Variants in FILIP1 observed in about 807,000 individuals in gnomAD.
FILIP1 encodes filamin-A-interacting protein 1.
In FILIP1, 61 loss-of-function variants were observed where a neutral mutation model predicts 102.1. That is an observed-to-expected ratio of 0.60 (90% CI 0.49 to 0.74). The LOEUF (loss-of-function observed/expected upper bound fraction) is 0.74. FILIP1 is among the 30% of genes least tolerant of loss of function. The probability of loss-of-function intolerance (pLI) is 0.00; values close to 1 mark genes in which losing one functional copy is unlikely to be tolerated. For missense variants in FILIP1, 1,314 were observed against 1,441.2 expected, an observed-to-expected ratio of 0.91 and a Z score of 1.43; for synonymous variants, 491 against 526.9, an observed-to-expected ratio of 0.93 and a Z score of 0.93.
At chr6:75,424,013 C>T (rs1012543517) in intron 1 of FILIP1, among the ~76,000 whole-genome samples, 10 of 152,064 alleles carry the variant, frequency 6.6e-5, no homozygotes, top group African/African-American at 2.4e-4. Context: ...TACCTTTGCA[C>T]CAATCATTTC....
At chr6:75,388,716 A>G (rs1259471631) in intron 2 of FILIP1, among the ~76,000 whole-genome samples, 1 of 152,148 alleles carries the variant, frequency 6.6e-6, no homozygotes, top group Non-Finnish European at 1.5e-5. Context: ...TGATTTTTGC[A>G]TATTGATTTT....
intron 5 of FILIP1, among the ~76,000 whole-genome samples, chr6:75,310,038 T>C (rs987079249): frequency 2.6e-5 from 4 of 152,262 alleles, no homozygotes; most frequent in African/African-American, 9.6e-5. Context: ...GAGACATGTA[T>C]GTGCCTCCCT....
chr6:75,422,838 CT>C (rs35826641), intron 1 of FILIP1, among the ~76,000 whole-genome samples: 3 of 151,920 alleles, frequency 2.0e-5, no homozygotes, highest in Non-Finnish European at 2.9e-5. Flanking sequence ...ACATTTCTTG[CT>C]TTTTTTGCTA....
intron 1 of FILIP1, among the ~76,000 whole-genome samples, chr6:75,432,088 ACT>A (rs1412450981): frequency 2.0e-5 from 3 of 152,206 alleles, no homozygotes; most frequent in African/African-American, 4.8e-5. Flanking sequence ...TATTTGATAC[ACT>A]GTTTCAGTTT....
At chr6:75,382,774 C>T (rs1345984471) in intron 2 of FILIP1, among the ~76,000 whole-genome samples, 2 of 152,158 alleles carry the variant, frequency 1.3e-5, no homozygotes, top group Admixed American at 6.5e-5. Context: ...TTAAATGCTA[C>T]AGGAATGCAT....
intron 1 of FILIP1, chr6:75,455,114 T>C (rs1337666967): frequency 6.7e-6 from 1 of 149,356 alleles, no homozygotes; most frequent in Non-Finnish European, 1.5e-5. Flanking sequence ...TTTCAAGAGA[T>C]TGGGGGGGTG....
intron 2 of FILIP1, among the ~76,000 whole-genome samples, chr6:75,402,083 G>A (rs1776677824): frequency 6.6e-6 from 1 of 152,054 alleles, no homozygotes; most frequent in South Asian, 2.1e-4. Flanking sequence ...ATTTATGAGA[G>A]ATTTTCTTTA....
intron 1 of FILIP1, among the ~76,000 whole-genome samples, chr6:75,431,167 G>C (rs1161921011): frequency 6.6e-6 from 1 of 152,102 alleles, no homozygotes; most frequent in African/African-American, 2.4e-5. Context: ...CTGAGCATGA[G>C]GGCAGAGGAA....
chr6:75,425,703 A>C (rs932838520), intron 1 of FILIP1, among the ~76,000 whole-genome samples: 4 of 152,084 alleles, frequency 2.6e-5, no homozygotes, highest in Non-Finnish European at 5.9e-5. Flanking sequence ...TCTCCAACCC[A>C]CAGTGTCCTC....
chr6:75,462,352 T>C (rs1779046823), intron 1 of FILIP1, among the ~76,000 whole-genome samples: 1 of 152,056 alleles, frequency 6.6e-6, no homozygotes, highest in African/African-American at 2.4e-5. Flanking sequence ...GTCTTCTGGA[T>C]TGTGAGGAGG....
chr6:75,325,121 A>G (rs1212771708), intron 4 of FILIP1, among the ~76,000 whole-genome samples: 1 of 152,254 alleles, frequency 6.6e-6, no homozygotes, highest in Non-Finnish European at 1.5e-5. Context: ...CTGTACAGCA[A>G]AAGAAGTAAT....
intron 2 of FILIP1, among the ~76,000 whole-genome samples, chr6:75,397,231 G>A (rs972365778): frequency 6.6e-6 from 1 of 151,332 alleles, no homozygotes; most frequent in African/African-American, 2.4e-5. Context: ...CCAACATAAA[G>A]TACCTATTTA....
At chr6:75,333,491 TG>T (rs1456678887) in intron 4 of FILIP1, among the ~76,000 whole-genome samples, 1 of 152,172 alleles carries the variant, frequency 6.6e-6, no homozygotes, top group Non-Finnish European at 1.5e-5. Flanking sequence ...TCCAGTCACA[TG>T]GAATTAAGAA....
chr6:75,465,186 G>A (rs1295450712), intron 1 of FILIP1: 3 of 187,120 alleles, frequency 1.6e-5, no homozygotes, highest in Non-Finnish European at 2.2e-5. Context: ...ACCATTGGAA[G>A]AACTCAAAGA....
At chr6:75,440,261 G>A (rs970758906) in intron 1 of FILIP1, among the ~76,000 whole-genome samples, 2 of 152,076 alleles carry the variant, frequency 1.3e-5, no homozygotes, top group Admixed American at 6.6e-5. Context: ...AAAGCACTGA[G>A]ATACAAGCTG....
intron 1 of FILIP1, among the ~76,000 whole-genome samples, chr6:75,446,125 C>A (rs1345837564): frequency 6.6e-6 from 1 of 152,050 alleles, no homozygotes; most frequent in East Asian, 1.9e-4. Context: ...TTTTCTGAAG[C>A]TATTGCTATA....
intron 1 of FILIP1, among the ~76,000 whole-genome samples, chr6:75,427,140 T>C (rs1355138005): frequency 1.3e-5 from 2 of 152,136 alleles, no homozygotes; most frequent in African/African-American, 4.8e-5. Flanking sequence ...TGGTCTAGGA[T>C]TGACTTATAC....
intron 1 of FILIP1, chr6:75,465,110 G>T: frequency 6.1e-6 from 1 of 163,462 alleles, no homozygotes; most frequent in Non-Finnish European, 1.3e-5. Context: ...CTTAAGTCAA[G>T]GAGCAAGAGC....
At chr6:75,386,013 A>C (rs571073511) in intron 2 of FILIP1, 2 of 152,188 alleles carry the variant, frequency 1.3e-5, no homozygotes, top group Non-Finnish European at 2.9e-5. Flanking sequence ...TAATAGCTGG[A>C]AAGTTTCAGG....
Sources: gnomAD v4.1 joint callset for allele counts (sites outside exome capture counted in the v4.1 genomes callset) on GRCh38, gnomAD v4.1.1 for gene constraint, MANE v1.5 for transcripts, NCBI Gene and HGNC (gene_info 2026-07-23, HGNC 2026-07-21) for gene names.